Variants in CDK19 observed in about 807,000 individuals in gnomAD.
The protein encoded by CDK19 is cyclin dependent kinase 19.
A neutral mutation model predicts 68.3 loss-of-function variants in CDK19; 20 were observed. The ratio of observed to expected loss-of-function variants is 0.29; its 90% CI spans 0.21 to 0.43. The LOEUF is 0.43. Among genes scored for constraint, CDK19 ranks in the 20% least tolerant of loss-of-function variants. CDK19 has a pLI of 1.00. For missense variants in CDK19, 339 were observed against 623.5 expected (o/e 0.54, Z 4.86); for synonymous variants, 221 against 222.8 (o/e 0.99, Z 0.07).
chr6:110,763,559 G>A (rs936496404), intron 1 of CDK19, among the ~76,000 whole-genome samples: 3 of 151,924 alleles, frequency 2.0e-5, no homozygotes, highest in Non-Finnish European at 2.9e-5. Context: ...GGGATTACAG[G>A]CATAAGCCAC....
intron 1 of CDK19, among the ~76,000 whole-genome samples, chr6:110,764,365 G>A (rs1779428994): frequency 6.6e-6 from 1 of 152,136 alleles, no homozygotes; most frequent in Non-Finnish European, 1.5e-5. Context: ...TTATTATAAA[G>A]CCACAGTAAT....
At chr6:110,773,357 A>C (rs1004109102) in intron 1 of CDK19, among the ~76,000 whole-genome samples, 3 of 152,082 alleles carry the variant, frequency 2.0e-5, no homozygotes, top group Non-Finnish European at 4.4e-5. Context: ...AAAAAAAAAA[A>C]AACAAGTTAT....
intron 1 of CDK19, among the ~76,000 whole-genome samples, chr6:110,785,377 TGG>T (rs1489284870): frequency 5.3e-5 from 8 of 152,328 alleles, no homozygotes; most frequent in African/African-American, 1.9e-4. Flanking sequence ...TACTGTTGAC[TGG>T]AAACCTCACT....
At chr6:110,725,526 A>G (rs1055171769) in intron 2 of CDK19, among the ~76,000 whole-genome samples, 5 of 152,176 alleles carry the variant, frequency 3.3e-5, no homozygotes, top group Non-Finnish European at 7.4e-5. Context: ...CATTGATTTT[A>G]CAAAATCAGT....
chr6:110,651,807 A>G lies in CDK19; in HGVS notation c.457-13101T>C, dbSNP rs367701356. On this transcript the variant is annotated intron_variant, in intron 4 of 12. Transcript: ENST00000368911. The stretch of plus-strand genomic sequence containing the variant: ...AAAATTTTGAGAACCTGCCTCTAAG[A>G]TCATCTGGGGTTGATGTTTTCTCAG... 7.3e-4 allele frequency among the ~76,000 whole-genome samples: 111 copies of G among 152,298 alleles called. No homozygotes were observed. The South Asian group carries it at 0.014, about 19-fold the overall frequency.
intron 2 of CDK19, among the ~76,000 whole-genome samples, chr6:110,684,073 T>A (rs1772245112): frequency 6.6e-6 from 1 of 151,968 alleles, no homozygotes; most frequent in African/African-American, 2.4e-5. Flanking sequence ...AAGGGCACTC[T>A]GAATATACAC....
intron 1 of CDK19, among the ~76,000 whole-genome samples, chr6:110,768,320 G>T (rs1051311400): frequency 5.3e-5 from 8 of 152,338 alleles, no homozygotes; most frequent in African/African-American, 1.7e-4. Flanking sequence ...CACTTTGGAA[G>T]ACAGTTTGGC....
chr6:110,734,925 A>G (rs1777125114), intron 2 of CDK19, among the ~76,000 whole-genome samples: 1 of 152,230 alleles, frequency 6.6e-6, no homozygotes, highest in African/African-American at 2.4e-5. Context: ...AGTAATTGGT[A>G]CAATAGTAAA....
Position 110,622,142 on chromosome 6 carries a change from T to C in CDK19, c.1056A>G (p.Pro352=). The C allele has an allele frequency of 6.2e-7, 1 of 1,612,418 alleles. No homozygotes were observed. The part of the protein sequence containing the change: ...TLDVFAGCQI[P]YPKREFLNED... ...CATTAAGGAATTCTCGTTTGGGGTA[T>C]GGAATCTGGCAGCCGGCAAATACAC... The change falls in exon 11 of 13, where the codon CCA becomes CCG. Residue 352 remains proline (P), a synonymous_variant. Coordinates refer to ENST00000368911, the MANE Select transcript of CDK19 (RefSeq NM_015076.5).
At chr6:110,710,217 T>C (rs1450058484) in intron 2 of CDK19, among the ~76,000 whole-genome samples, 1 of 152,198 alleles carries the variant, frequency 6.6e-6, no homozygotes, top group Non-Finnish European at 1.5e-5. Flanking sequence ...AAACACAGTT[T>C]TGTTATATGA....
chr6:110,636,023 T>C (rs1332969383), intron 5 of CDK19, among the ~76,000 whole-genome samples: 1 of 152,278 alleles, frequency 6.6e-6, no homozygotes, highest in African/African-American at 2.4e-5. Flanking sequence ...ACCCTAGTTT[T>C]ATCCCTAATC....
intron 1 of CDK19, chr6:110,814,486 C>T (rs895819189): frequency 9.9e-5 from 39 of 392,670 alleles, no homozygotes; most frequent in African/African-American, 8.4e-4. Flanking sequence ...CTGGGGGCGG[C>T]GGTGCCCAGC....
chr6:110,627,830 C>T (rs78181460), intron 6 of CDK19, among the ~76,000 whole-genome samples: 2,729 of 152,208 alleles, frequency 0.018, 87 homozygotes, highest in African/African-American at 0.061. Flanking sequence ...GACATGGTGA[C>T]GTAATTCTTT....
intron 4 of CDK19, chr6:110,645,853 T>A: frequency 1.5e-6 from 1 of 645,288 alleles, no homozygotes; most frequent in Non-Finnish European, 2.8e-6. Flanking sequence ...CTCCTGACCT[T>A]CGATTTCGAA....
At chr6:110,780,388 C>CAAA (rs57316757) in intron 1 of CDK19, among the ~76,000 whole-genome samples, 1 of 67,118 alleles carries the variant, frequency 1.5e-5, no homozygotes, top group African/African-American at 4.9e-5. Flanking sequence ...CACTCTGTCT[C>CAAA]AAAAAAAAAA....
intron 1 of CDK19, among the ~76,000 whole-genome samples, chr6:110,755,849 G>C (rs1471739582): frequency 1.3e-5 from 2 of 152,186 alleles, no homozygotes; most frequent in Non-Finnish European, 2.9e-5. Flanking sequence ...AAGATTTAAA[G>C]CCAGAGGCAG....
intron 2 of CDK19, among the ~76,000 whole-genome samples, chr6:110,686,195 A>T (rs1183394105): frequency 6.6e-6 from 1 of 152,226 alleles, no homozygotes. Context: ...GACAAAATGG[A>T]CAATTTTTAA....
At chr6:110,679,098 C>T (rs1047212791) in intron 2 of CDK19, among the ~76,000 whole-genome samples, 2 of 151,980 alleles carry the variant, frequency 1.3e-5, no homozygotes, top group African/African-American at 4.8e-5. Flanking sequence ...CACTCAAGGC[C>T]AGGAGTTTGA....
At chr6:110,700,932 C>T (rs144208906) in intron 2 of CDK19, 4,272 of 152,824 alleles carry the variant, frequency 0.028, 83 homozygotes, top group South Asian at 0.083. Context: ...ATTGGCCGGG[C>T]GCGGTGGCTC....
Sources: gnomAD v4.1 joint callset for allele counts (sites outside exome capture counted in the v4.1 genomes callset) on GRCh38, gnomAD v4.1.1 for gene constraint, MANE v1.5 for transcripts, NCBI Gene and HGNC (gene_info 2026-07-23, HGNC 2026-07-21) for gene names.